Variants in CLEC17A observed in about 807,000 individuals in gnomAD.
CLEC17A encodes C-type lectin domain containing 17A.
A neutral mutation model predicts 61.3 loss-of-function variants in CLEC17A; 37 were observed. The observed-to-expected ratio is 0.60, with a 90% CI of 0.46 to 0.79. CLEC17A has a LOEUF of 0.79. Ranked by LOEUF, CLEC17A falls within the 30% of genes least tolerant of loss-of-function variation. The pLI, the probability that CLEC17A is intolerant of heterozygous loss-of-function variation, is 0.00. For missense variants in CLEC17A, 418 were observed against 464.7 expected, an observed-to-expected ratio of 0.90 and a Z score of 0.92; for synonymous variants, 168 against 164.9, an observed-to-expected ratio of 1.02 and a Z score of -0.14.
chr19:14,585,729 T>C (rs1005157614), intron 2 of CLEC17A, among the ~76,000 whole-genome samples: 25 of 147,398 alleles, frequency 1.7e-4, no homozygotes, highest in Admixed American at 9.7e-4. Context: ...AGCCTGCAGA[T>C]GACTTGCAGT....
chr19:14,587,504 A>G, intron 2 of CLEC17A, 110 bp from the exon 3 acceptor site: 1 of 1,336,824 alleles, frequency 7.5e-7, no homozygotes, highest in Non-Finnish European at 1.0e-6. Flanking sequence ...GGTGTGGTCA[A>G]GATCCAGGGT....
chr19:14,587,113 G>C (rs143660405), intron 2 of CLEC17A, among the ~76,000 whole-genome samples: 3 of 151,526 alleles, frequency 2.0e-5, no homozygotes, highest in African/African-American at 7.3e-5. Flanking sequence ...GGCTGATCTC[G>C]AACTCCCAAA....
At position 14,594,569 on chromosome 19, in the gene CLEC17A, G is replaced by A. The variant is rs373832997; in HGVS notation, c.310+20G>A. On this transcript the variant is annotated intron_variant, in intron 5 of 13. Transcript: ENST00000417570. ...GGGCAGGTGAGTTGGGGCTGGGGGT[G>A]TAGGAGACCCAGAGCTGGCTTTGCC... The A allele has an allele frequency of 5.1e-5, 83 of 1,612,472 alleles. No homozygotes were observed. Among genetic ancestry groups the A allele is most frequent in the South Asian group, 4.8e-4 (44 of 90,904 alleles).
At chr19:14,593,662 T>TA (rs1331932715) in intron 4 of CLEC17A, among the ~76,000 whole-genome samples, 1 of 151,244 alleles carries the variant, frequency 6.6e-6, no homozygotes, top group African/African-American at 2.4e-5. Flanking sequence ...GCACTGTCTT[T>TA]AAAAAAATAG....
intron 12 of CLEC17A, among the ~76,000 whole-genome samples, chr19:14,603,191 C>T (rs1300170472): frequency 6.6e-6 from 1 of 152,144 alleles, no homozygotes; most frequent in Non-Finnish European, 1.5e-5. Context: ...GAATGGTGTA[C>T]ATTTACTCTC....
Position 14,583,390 on chromosome 19 carries a change from A to G in CLEC17A, c.77A>G (p.Tyr26Cys), listed in dbSNP as rs2074211033. The change falls in exon 2 of 14, where the codon TAT becomes TGT. Residue 26 changes from tyrosine to cysteine, a missense_variant. Coordinates refer to ENST00000417570, the MANE Select transcript of CLEC17A (RefSeq NM_001204118.2). ...TMEEEEEDDDYENSTPPYKDL... is the reference protein window; with the variant it reads ...TMEEEEEDDDCENSTPPYKDL... ...GAGGAGGAGGAGGAGGATGATGACT[A>G]TGAGAACTCAACACCTCCCTACAAG... The G allele has an allele frequency of 1.2e-6, 2 of 1,612,376 alleles. No individual in the cohort carries two copies. The highest frequency in any genetic ancestry group is 1.3e-5 in the African/African-American group (1 of 74,864).
chr19:14,597,985 G>A (rs987255223), intron 10 of CLEC17A, among the ~76,000 whole-genome samples: 1 of 152,136 alleles, frequency 6.6e-6, no homozygotes, highest in Non-Finnish European at 1.5e-5. Flanking sequence ...TAATACACAC[G>A]TTAATTATAG....
intron 12 of CLEC17A, among the ~76,000 whole-genome samples, chr19:14,601,389 T>C (rs1187414765): frequency 6.6e-6 from 1 of 152,114 alleles, no homozygotes; most frequent in African/African-American, 2.4e-5. Context: ...AGAAGGAGGA[T>C]TGGAATATGG....
At position 14,606,997 on chromosome 19, in the gene CLEC17A, T is replaced by C. The variant is rs1199358761; in HGVS notation, c.899T>C (p.Phe300Ser). 2 of 1,278,314 alleles carry C rather than the reference T, an allele frequency of 1.6e-6. No homozygotes were observed. Among genetic ancestry groups the C allele is most frequent in the Non-Finnish European group, 2.0e-6 (2 of 1,008,648 alleles). The allele number at this position is 1,278,314 out of a possible 1,614,324, so 79.2% of individuals were successfully genotyped here. A position where few individuals can be genotyped will look rare whatever the true frequency, so the allele number is the denominator to read the frequency against. ...GAATGGAATTTTTATTTGCAGAATT[T>C]TGTGGCCAAGGCCCATGGCTCTCCA... ...VIINSFAEHN[F>S]VAKAHGSPRV... is the part of the protein sequence containing the mutation. Residue 300 changes from phenylalanine (F) to serine (S), a missense_variant, in exon 13 of 14, where the codon TTT becomes TCT. Phe to Ser is a radical substitution (Grantham distance 155). Coordinates refer to ENST00000417570, the MANE Select transcript of CLEC17A (RefSeq NM_001204118.2).
At chr19:14,606,801 C>A (rs1206672998) in intron 12 of CLEC17A, among the ~76,000 whole-genome samples, 192 bp from the exon 13 acceptor site, 4 of 152,036 alleles carry the variant, frequency 2.6e-5, no homozygotes, top group Middle Eastern at 3.2e-3. Context: ...GAAAAAGTAG[C>A]ACGATTATTC....
Position 14,587,578 on chromosome 19 carries a change from G to T in CLEC17A, c.122-36G>T, listed in dbSNP as rs756303297. ...GGGCTTGAGGGATGGAGGGAGGAGG[G>T]AATGGCTGGGCTCTGACTTGCCTTT... On this transcript the variant is annotated intron_variant, in intron 2 of 13. Coordinates refer to ENST00000417570, the MANE Select transcript of CLEC17A (RefSeq NM_001204118.2). The T allele has an allele frequency of 7.1e-6, 11 of 1,545,066 alleles. No homozygotes were observed. The East Asian group carries it at 2.4e-4, about 34-fold the overall frequency.
chr19:14,604,938 C>T (rs572407045), intron 12 of CLEC17A, among the ~76,000 whole-genome samples: 114 of 152,076 alleles, frequency 7.5e-4, no homozygotes, highest in Non-Finnish European at 9.3e-4. Context: ...AAAGCTGGGG[C>T]GAGTGTTACT....
chr19:14,594,358 T>TC, intron 4 of CLEC17A, 159 bp from the exon 5 acceptor site: 1 of 835,620 alleles, frequency 1.2e-6, no homozygotes. Flanking sequence ...CCCTACTTAA[T>TC]CCCATCTCCA....
At chr19:14,609,416 G>A (rs536819158) in intron 13 of CLEC17A, among the ~76,000 whole-genome samples, 51 of 152,156 alleles carry the variant, frequency 3.4e-4, no homozygotes, top group African/African-American at 1.1e-3. Flanking sequence ...CTACACACTC[G>A]AGTCCCTGAA....
chr19:14,599,982 A>G lies in CLEC17A; in HGVS notation c.743-49A>G, dbSNP rs140262248. Reference sequence around the variant, plus strand: ...CAACTGTACATGGCATACTATGTACATGGCTCAGGTTCTGGGGCCATCCTG... The same window carrying G: ...CAACTGTACATGGCATACTATGTACGTGGCTCAGGTTCTGGGGCCATCCTG... On this transcript the variant is annotated intron_variant, in intron 11 of 13. Coordinates refer to ENST00000417570, the MANE Select transcript of CLEC17A (RefSeq NM_001204118.2). 12 of 1,603,910 alleles carry G rather than the reference A, an allele frequency of 7.5e-6. No homozygotes were observed. The African/African-American group carries it at 1.2e-4, about 16-fold the overall frequency.
chr19:14,602,308 G>T (rs907851976), intron 12 of CLEC17A, among the ~76,000 whole-genome samples: 1 of 151,726 alleles, frequency 6.6e-6, no homozygotes, highest in African/African-American at 2.4e-5. Context: ...TGTATTTTTG[G>T]AGACAGGGTC....
rs923076563 is a variant in CLEC17A, at chr19:14,611,193, C to T, written c.*997C>T. The T allele has an allele frequency of 6.6e-6, 1 of 151,892 alleles. No homozygotes were observed. Among genetic ancestry groups the T allele is most frequent in the African/African-American group, 2.4e-5 (1 of 41,342 alleles). 9.4% of individuals were successfully genotyped at this position (151,892 alleles called of 1,614,324 possible). ...GAAGACAGGAGAGCTTCTATATTCA[C>T]CCCATGTCGTCCTCTCCAGACACTG... On this transcript the variant is annotated 3_prime_UTR_variant, in exon 14 of 14. Transcript: ENST00000417570.
intron 12 of CLEC17A, among the ~76,000 whole-genome samples, chr19:14,603,739 T>C (rs1474719181): frequency 6.6e-6 from 1 of 152,110 alleles, no homozygotes; most frequent in African/African-American, 2.4e-5. Flanking sequence ...GTGCCGGGAT[T>C]ACAGGAGTGA....
rs1568455477 is a variant in CLEC17A at position 14,597,177 on chromosome 19, C to T, written c.646+16C>T. ...CGAACAAATAGTGAGTGCTTTCAGT[C>T]ATTCCTTCATGCCACTCCTATTGAG... On this transcript the variant is annotated intron_variant, in intron 10 of 13. Transcript: ENST00000417570. 4.4e-6 allele frequency: 7 copies of T among 1,597,846 alleles called. No individual in the cohort carries two copies. In the Admixed American group the frequency reaches 1.0e-4, roughly 24 times the overall value.
Sources: allele counts gnomAD v4.1 joint callset (sites outside exome capture counted in the v4.1 genomes callset), GRCh38; gene constraint gnomAD v4.1.1; transcripts MANE v1.5; gene names NCBI Gene and HGNC (gene_info 2026-07-23, HGNC 2026-07-21).